CNOT1: variants seen among roughly 807,000 people sequenced by gnomAD.
CNOT1 encodes the protein CCR4-associated factor 1.
In CNOT1, 15 loss-of-function variants were observed where a neutral mutation model predicts 273.8. The ratio of observed to expected loss-of-function variants is 0.05; its 90% confidence interval spans 0.04 to 0.08. The LOEUF is 0.08. Among genes scored for constraint, CNOT1 ranks in the 10% least tolerant of loss-of-function variants. The probability of loss-of-function intolerance (pLI) is 1.00; values close to 1 mark genes in which losing one functional copy is unlikely to be tolerated. For missense variants in CNOT1, 1,644 were observed against 2,912.2 expected (o/e 0.56, Z 10.02); for synonymous variants, 1,022 against 1,005.5 (o/e 1.02, Z -0.31).
At chr16:58,567,486 A>T (rs1489043301) in intron 16 of CNOT1, among the ~76,000 whole-genome samples, 6 of 129,192 alleles carry the variant, frequency 4.6e-5, no homozygotes, top group Non-Finnish European at 9.4e-5. Flanking sequence ...AAATAAATTT[A>T]AAAAATAGGC....
At chr16:58,572,983 G>A (rs2041330433) in intron 16 of CNOT1, among the ~76,000 whole-genome samples, 1 of 150,648 alleles carries the variant, frequency 6.6e-6, no homozygotes. Context: ...AGTACAAGAT[G>A]TACACTGAAA....
chr16:58,601,798 A>C (rs2152012808), intron 1 of CNOT1, among the ~76,000 whole-genome samples: 1 of 143,284 alleles, frequency 7.0e-6, no homozygotes, highest in East Asian at 2.1e-4. Context: ...GCACTTTGGG[A>C]GGCTGAGGCA....
intron 1 of CNOT1, among the ~76,000 whole-genome samples, chr16:58,622,301 G>A (rs551181371): frequency 9.8e-5 from 12 of 122,828 alleles, no homozygotes; most frequent in South Asian, 9.0e-4. Context: ...GTGACAGAGC[G>A]AGACTGTATC....
At chr16:58,529,664 C>A (rs977867225) in intron 43 of CNOT1, among the ~76,000 whole-genome samples, 5 of 151,434 alleles carry the variant, frequency 3.3e-5, no homozygotes, top group Non-Finnish European at 4.4e-5. Flanking sequence ...GTAATGAGAT[C>A]CCCCATGTAT....
chr16:58,531,816 G>A (rs2039786867), intron 42 of CNOT1, 142 bp downstream of exon 42: 3 of 997,550 alleles, frequency 3.0e-6, no homozygotes, highest in Non-Finnish European at 4.3e-6. Flanking sequence ...ATTGACTTGA[G>A]TGAACACTAA....
intron 21 of CNOT1, among the ~76,000 whole-genome samples, chr16:58,554,207 T>TAAA (rs553508124): frequency 1.4e-5 from 2 of 145,284 alleles, no homozygotes; most frequent in African/African-American, 5.0e-5. Flanking sequence ...TACACAGCTG[T>TAAA]AAAAAAAAAA....
intron 1 of CNOT1, among the ~76,000 whole-genome samples, chr16:58,620,653 T>TTAAAA (rs1158854815): frequency 1.7e-4 from 18 of 106,832 alleles, no homozygotes; most frequent in African/African-American, 6.6e-4. Context: ...CTGTCTCATT[T>TTAAAA]AAAAAAAAAA....
chr16:58,525,101 C>G, intron 46 of CNOT1, 78 bp downstream of exon 46: 1 of 1,350,744 alleles, frequency 7.4e-7, no homozygotes, highest in Admixed American at 1.7e-5. Context: ...TGGCTTGAAG[C>G]ATTTTTACAT....
At chr16:58,553,085 C>T (rs928207503) in intron 22 of CNOT1, among the ~76,000 whole-genome samples, 3 of 152,094 alleles carry the variant, frequency 2.0e-5, no homozygotes, top group Admixed American at 1.3e-4. Context: ...CCAGCCTGGC[C>T]AACATGTTGA....
At chr16:58,523,098 A>G (rs2039463237) in intron 47 of CNOT1, 1 of 203,640 alleles carries the variant, frequency 4.9e-6, no homozygotes, top group African/African-American at 2.3e-5. Context: ...TACAAAAATT[A>G]GCTGGGCGTG....
rs1375446661 is a variant in CNOT1 at position 58,526,110 on chromosome 16, G to A, written c.6482C>T (p.Ala2161Val). ...KVDMLSEINIAPRILTNFTGV... is the reference protein window; with the variant it reads ...KVDMLSEINIVPRILTNFTGV... ...AGTGAAATTGGTGAGAATCCGGGGAGCAATGTTAATTTCACTCAACATGTC... is the reference window on the plus strand; with the variant it reads ...AGTGAAATTGGTGAGAATCCGGGGAACAATGTTAATTTCACTCAACATGTC... The change falls in exon 45 of 49, where the codon GCT (alanine) becomes GTT (valine). Residue 2161 changes from alanine (A) to valine (V), a missense_variant. By Grantham distance (64) the Ala-to-Val change is moderately conservative (BLOSUM62 0). Around this residue, in one of 13 missense-constraint regions of CNOT1, gnomAD observed 140 missense variants for 324.6 expected, o/e 0.43. Transcript: ENST00000317147. 6.2e-7 allele frequency: 1 copy of A among 1,614,010 alleles called. No homozygotes were observed.
At position 58,553,714 on chromosome 16, in the gene CNOT1, A is replaced by G. The variant is rs2040533221; in HGVS notation, c.2970+68T>C. On this transcript the variant is annotated intron_variant, in intron 22 of 48. Coordinates refer to ENST00000317147, the MANE Select transcript of CNOT1 (RefSeq NM_016284.5). Reference sequence around the variant, plus strand: ...GCCATTACTATCAAGTCTACAAAAAAAAGCCAAAATATTAAACCCTCCAAA... The same window carrying G: ...GCCATTACTATCAAGTCTACAAAAAGAAGCCAAAATATTAAACCCTCCAAA... The G allele has an allele frequency of 2.0e-6, 3 of 1,532,880 alleles. 1 individual carries two copies. The highest frequency in any genetic ancestry group is 3.5e-4 in the Middle Eastern group (2 of 5,758). The allele number at this position is 1,532,880 out of a possible 1,614,324, so 95.0% of individuals were successfully genotyped here.
Position 58,586,525 on chromosome 16 carries a change from G to C in CNOT1, c.637+20C>G. 1.2e-6 allele frequency: 2 copies of C among 1,605,394 alleles called. No individual in the cohort carries two copies. Among genetic ancestry groups the C allele is most frequent in the Non-Finnish European group, 8.5e-7 (1 of 1,177,808 alleles). On this transcript the variant is annotated intron_variant, in intron 7 of 48. Transcript: ENST00000317147. ...TCATCCAAGAAAACCACCCACTGTA[G>C]GCTACAAAGACTCCCTTACCTCTGC...
At chr16:58,550,910 G>A (rs1336504877) in intron 24 of CNOT1, among the ~76,000 whole-genome samples, 7 of 152,144 alleles carry the variant, frequency 4.6e-5, no homozygotes, top group Admixed American at 4.6e-4. Context: ...CTATCACCAT[G>A]AGAACATTAA....
chr16:58,591,089 T>C (rs1196483551), intron 2 of CNOT1, among the ~76,000 whole-genome samples: 2 of 152,102 alleles, frequency 1.3e-5, no homozygotes, highest in East Asian at 1.9e-4. Context: ...GAGACAACCA[T>C]AGATACAGGT....
In CNOT1 at chr16:58,520,550, C is replaced by G. The variant is rs547039175; in HGVS notation, c.*408G>C. 4 of 183,660 alleles carry G rather than the reference C, an allele frequency of 2.2e-5. No homozygotes were observed. The highest frequency in any genetic ancestry group is 1.3e-4 in the East Asian group (1 of 7,442). The allele number at this position is 183,660 out of a possible 1,614,324, so 11.4% of individuals were successfully genotyped here. A position where few individuals can be genotyped will look rare whatever the true frequency, so the allele number is the denominator to read the frequency against. On this transcript the variant is annotated 3_prime_UTR_variant, in exon 49 of 49. Coordinates refer to ENST00000317147, the MANE Select transcript of CNOT1 (RefSeq NM_016284.5). ...ATATTCAAACTGGCTTTTTGCTATT[C>G]TTTGGGACACCAGGAATGTCAGAAG...
In CNOT1 at chr16:58,545,417, C is replaced by G; in HGVS notation, c.4081G>C (p.Asp1361His). The change falls in exon 30 of 49, where the codon GAC becomes CAC. Residue 1361 changes from aspartate to histidine, a missense_variant. Transcript: ENST00000317147. ...CCCGCAAGGGAATAGACATTGATGT[C>G]GTGGTAGCTGTACTGTGGCTGTGGT... ...VPPQPQYSYH[D>H]INVYSLAGLA... 1 of 1,614,058 alleles carries G rather than the reference C, an allele frequency of 6.2e-7. No individual in the cohort carries two copies. Among genetic ancestry groups the G allele is most frequent in the Non-Finnish European group, 8.5e-7 (1 of 1,179,946 alleles).
intron 40 of CNOT1, 26 bp downstream of exon 40, chr16:58,534,121 G>C: frequency 6.2e-7 from 1 of 1,610,182 alleles, no homozygotes; most frequent in Non-Finnish European, 8.5e-7. Flanking sequence ...TGTAGACCAA[G>C]ACTAAGGCAA....
chr16:58,534,345 A>G lies in CNOT1; in HGVS notation c.5697T>C (p.Phe1899=). 1 of 1,614,214 alleles carries G rather than the reference A, an allele frequency of 6.2e-7. No individual in the cohort carries two copies. The highest frequency in any genetic ancestry group is 8.5e-7 in the Non-Finnish European group (1 of 1,180,048). The change falls in exon 40 of 49, where the codon TTT becomes TTC. Residue 1899 remains phenylalanine, a synonymous_variant. Coordinates refer to ENST00000317147, the MANE Select transcript of CNOT1 (RefSeq NM_016284.5). Reference sequence around the variant, plus strand: ...CAACACACATTTCAGTACACAGACGAAAGAACCTTGTTATGAGATCATCGG... The same window carrying G: ...CAACACACATTTCAGTACACAGACGGAAGAACCTTGTTATGAGATCATCGG... ...LKTDDLITRF[F]RLCTEMCVEI...
Sources: gnomAD v4.1 joint callset for allele counts (sites outside exome capture counted in the v4.1 genomes callset) on GRCh38, gnomAD v4.1.1 for gene constraint, gnomAD v4.1.1 regional missense constraint, MANE v1.5 for transcripts, NCBI Gene and HGNC (gene_info 2026-07-23, HGNC 2026-07-21) for gene names.